CDH13: variants seen among roughly 807,000 people sequenced by gnomAD.
CDH13 encodes cadherin-13.
A neutral mutation model predicts 63.8 loss-of-function variants in CDH13; 24 were observed. The ratio of observed to expected loss-of-function variants is 0.38; its 90% CI spans 0.27 to 0.53. The LOEUF is 0.53. CDH13 is among the 20% of genes least tolerant of loss of function. The pLI is 0.85. For synonymous variants in CDH13, 503 were observed against 355.3 expected (o/e 1.42, Z -4.67); for missense variants, 1,049 against 903.1 (o/e 1.16, Z -2.07).
Position 83,184,882 on chromosome 16 carries a change from C to CGTGT in CDH13, c.484-32441_484-32438dup, listed in dbSNP as rs71272419. 6.1e-3 allele frequency among the ~76,000 whole-genome samples: 882 copies of CGTGT among 145,390 alleles called. 1 individual carries two copies. The highest frequency in any genetic ancestry group is 8.9e-3 in the African/African-American group (349 of 39,306). ...CATTTAGTGTTTGTGATGTCTAAGCCGTGTGTGTGTGTGTGTGTGTGTGTG... is the reference window on the plus strand; with the variant it reads ...CATTTAGTGTTTGTGATGTCTAAGCCGTGTGTGTGTGTGTGTGTGTGTGTGTGTG... On this transcript the variant is annotated intron_variant, in intron 4 of 13. Transcript: ENST00000567109.
intron 4 of CDH13, among the ~76,000 whole-genome samples, chr16:83,186,936 T>A (rs920028889): frequency 6.6e-6 from 1 of 152,078 alleles, no homozygotes; most frequent in Non-Finnish European, 1.5e-5. Flanking sequence ...TAATGAAAAT[T>A]GTAACCTATT....
At chr16:83,518,170 A>T (rs1192694040) in intron 7 of CDH13, among the ~76,000 whole-genome samples, 1 of 150,448 alleles carries the variant, frequency 6.6e-6, no homozygotes, top group African/African-American at 2.5e-5. Flanking sequence ...TTTGAGATGG[A>T]GTCTTGTTCT....
chr16:82,739,726 TG>T (rs1397448664), intron 1 of CDH13, among the ~76,000 whole-genome samples: 1 of 152,232 alleles, frequency 6.6e-6, no homozygotes, highest in East Asian at 1.9e-4. Flanking sequence ...ACTCAGACTT[TG>T]TCAACTTTTT....
chr16:83,176,012 T>C (rs1055318769), intron 4 of CDH13, among the ~76,000 whole-genome samples: 1 of 151,430 alleles, frequency 6.6e-6, no homozygotes, highest in Non-Finnish European at 1.5e-5. Context: ...TTTTTGTTTT[T>C]GTTTTTGTTT....
intron 5 of CDH13, among the ~76,000 whole-genome samples, chr16:83,333,163 A>G (rs2090514290): frequency 1.3e-5 from 2 of 152,190 alleles, no homozygotes; most frequent in South Asian, 2.1e-4. Flanking sequence ...TTCCCTGGGA[A>G]CTCTCTAGGA....
intron 6 of CDH13, among the ~76,000 whole-genome samples, chr16:83,440,919 C>T: frequency 6.6e-6 from 1 of 152,108 alleles, no homozygotes; most frequent in Admixed American, 6.5e-5. Flanking sequence ...TGTGACCTAC[C>T]TGGAGGGTAG....
intron 7 of CDH13, among the ~76,000 whole-genome samples, chr16:83,573,820 T>C (rs1012226895): frequency 6.6e-6 from 1 of 152,166 alleles, no homozygotes; most frequent in Admixed American, 6.5e-5. Context: ...ACTCATTTAT[T>C]TGGTAACTAT....
chr16:82,795,648 AG>A (rs1041940521), intron 1 of CDH13, among the ~76,000 whole-genome samples: 6 of 152,198 alleles, frequency 3.9e-5, no homozygotes, highest in African/African-American at 9.7e-5. Flanking sequence ...GTTGTTAAGT[AG>A]GGGGACAGAG....
At chr16:83,352,960 T>C (rs2151377275) in intron 6 of CDH13, among the ~76,000 whole-genome samples, 1 of 152,284 alleles carries the variant, frequency 6.6e-6, no homozygotes, top group African/African-American at 2.4e-5. Flanking sequence ...TTATCTTTGG[T>C]GAAATAACTC....
chr16:83,268,276 C>T (rs58405388), intron 5 of CDH13, among the ~76,000 whole-genome samples: 1,960 of 152,274 alleles, frequency 0.013, 35 homozygotes, highest in African/African-American at 0.044. Flanking sequence ...AGAGGAACTT[C>T]CATGGAAGTA....
At chr16:83,184,273 C>T (rs746835676) in intron 4 of CDH13, among the ~76,000 whole-genome samples, 1 of 152,082 alleles carries the variant, frequency 6.6e-6, no homozygotes, top group Non-Finnish European at 1.5e-5. Flanking sequence ...TTATTTTTCA[C>T]CTTTTGAAAC....
chr16:83,264,462 A>G (rs1050410966), intron 5 of CDH13, among the ~76,000 whole-genome samples: 1 of 152,076 alleles, frequency 6.6e-6, no homozygotes, highest in Non-Finnish European at 1.5e-5. Flanking sequence ...TACATCGTAT[A>G]TATGTATATA....
intron 7 of CDH13, among the ~76,000 whole-genome samples, chr16:83,558,278 G>A (rs991938319): frequency 6.6e-5 from 10 of 152,074 alleles, no homozygotes; most frequent in African/African-American, 1.9e-4. Flanking sequence ...GGATCAGCGC[G>A]GTACCAGTTA....
At position 83,319,141 on chromosome 16, in the gene CDH13, C is replaced by G. The variant is rs530767398; in HGVS notation, c.637-25721C>G. Among the ~76,000 whole-genome samples, 3 of 152,098 alleles carry G rather than the reference C, an allele frequency of 2.0e-5. No homozygotes were observed. In the South Asian group the frequency reaches 6.2e-4, roughly 32 times the overall value. On this transcript the variant is annotated intron_variant, in intron 5 of 13. Coordinates refer to ENST00000567109, the MANE Select transcript of CDH13 (RefSeq NM_001257.5). ...GGCAAACATCTTACAAAGTAATATT[C>G]TTTTCTTGCTGCTTGTTGTCTCTTA...
chr16:83,543,684 C>T (rs1054327749), intron 7 of CDH13, among the ~76,000 whole-genome samples: 13 of 152,138 alleles, frequency 8.5e-5, no homozygotes, highest in African/African-American at 2.7e-4. Flanking sequence ...GGTTGTCTGT[C>T]GTGAGAGCAG....
chr16:83,507,363 G>A (rs1465130322), intron 7 of CDH13, among the ~76,000 whole-genome samples: 2 of 152,256 alleles, frequency 1.3e-5, no homozygotes, highest in African/African-American at 4.8e-5. Flanking sequence ...TGAATGAAGA[G>A]TGTGTGTTAG....
chr16:83,646,807 A>AGTAACC (rs1364440236), intron 8 of CDH13, among the ~76,000 whole-genome samples: 5 of 151,008 alleles, frequency 3.3e-5, no homozygotes, highest in Admixed American at 6.6e-5. Flanking sequence ...AGCCTGTTCC[A>AGTAACC]GTAACCGCAG....
chr16:82,738,225 A>C (rs973322549), intron 1 of CDH13, among the ~76,000 whole-genome samples: 1 of 152,184 alleles, frequency 6.6e-6, no homozygotes, highest in Admixed American at 6.5e-5. Flanking sequence ...AATAGCAATA[A>C]AAAAAATCAG....
intron 1 of CDH13, among the ~76,000 whole-genome samples, chr16:82,735,935 G>A (rs760159896): frequency 1.3e-5 from 2 of 152,170 alleles, no homozygotes; most frequent in Non-Finnish European, 2.9e-5. Context: ...AAAACCAGAC[G>A]CTATACTCAC....
Sources: allele counts gnomAD v4.1 joint callset (sites outside exome capture counted in the v4.1 genomes callset), GRCh38; gene constraint gnomAD v4.1.1; transcripts MANE v1.5; gene names NCBI Gene and HGNC (gene_info 2026-07-23, HGNC 2026-07-21).